The following RASAL2 variants were observed in gnomAD, a reference collection of about 807,000 sequenced individuals.
RASAL2 encodes the protein RAS protein activator like 2.
Under a neutral mutation model 128.9 loss-of-function variants are expected in RASAL2, and 58 were observed. That is an observed-to-expected ratio of 0.45 (90% CI 0.36 to 0.56). The LOEUF (loss-of-function observed/expected upper bound fraction) is 0.56, where lower values mean the gene tolerates loss of function less well. RASAL2 is among the 20% of genes least tolerant of loss of function. RASAL2 has a pLI of 0.00. For synonymous variants in RASAL2, 561 were observed against 580.8 expected (o/e 0.97, Z 0.49); for missense variants, 1,360 against 1,601.6 (o/e 0.85, Z 2.57).
intron 3 of RASAL2, among the ~76,000 whole-genome samples, chr1:178,384,687 CACACAAA>C (rs1418888345): frequency 1.3e-5 from 2 of 149,346 alleles, no homozygotes; most frequent in African/African-American, 4.9e-5. Flanking sequence ...CACACACACA[CACACAAA>C]AAAAAAACTC....
chr1:178,452,724 G>T, intron 11 of RASAL2, 72 bp downstream of exon 11: 1 of 1,280,302 alleles, frequency 7.8e-7, no homozygotes, highest in Non-Finnish European at 1.1e-6. Flanking sequence ...TTTGGATGAG[G>T]GTTGGGAGCC....
chr1:178,440,295 G>A (rs1285350541), intron 6 of RASAL2, among the ~76,000 whole-genome samples: 1 of 151,894 alleles, frequency 6.6e-6, no homozygotes, highest in Non-Finnish European at 1.5e-5. Context: ...ACTAGATGTT[G>A]TAGAAGTCAA....
intron 2 of RASAL2, among the ~76,000 whole-genome samples, chr1:178,299,621 C>T (rs2102268081): frequency 6.6e-6 from 1 of 152,106 alleles, no homozygotes; most frequent in South Asian, 2.1e-4. Context: ...TCTCAGTCTC[C>T]CAAGTAGCTG....
At chr1:178,130,907 A>C (rs541717210) in intron 1 of RASAL2, among the ~76,000 whole-genome samples, 6 of 152,136 alleles carry the variant, frequency 3.9e-5, no homozygotes, top group African/African-American at 1.4e-4. Context: ...ACAAAAAATT[A>C]GCCGGGCGCG....
At chr1:178,347,022 A>C (rs1338564556) in intron 3 of RASAL2, among the ~76,000 whole-genome samples, 2 of 152,080 alleles carry the variant, frequency 1.3e-5, no homozygotes, top group Non-Finnish European at 2.9e-5. Flanking sequence ...TTTTTAATGG[A>C]AGGGTATTTA....
chr1:178,411,055 G>T (rs1437173648), intron 4 of RASAL2, among the ~76,000 whole-genome samples: 4 of 152,026 alleles, frequency 2.6e-5, no homozygotes, highest in African/African-American at 9.7e-5. Flanking sequence ...ATATGAAAAA[G>T]ACACTTGCAC....
chr1:178,400,637 A>T (rs953950765), intron 4 of RASAL2, among the ~76,000 whole-genome samples: 2 of 152,194 alleles, frequency 1.3e-5, no homozygotes, highest in African/African-American at 4.8e-5. Flanking sequence ...TTGCTCTTTA[A>T]AAGTTTTATG....
At chr1:178,369,575 G>A (rs1671591372) in intron 3 of RASAL2, among the ~76,000 whole-genome samples, 1 of 151,866 alleles carries the variant, frequency 6.6e-6, no homozygotes, top group South Asian at 2.1e-4. Context: ...TCATAGGGCT[G>A]GATTATTTTG....
chr1:178,296,363 T>G (rs1023653702), intron 2 of RASAL2, among the ~76,000 whole-genome samples: 1 of 151,938 alleles, frequency 6.6e-6, no homozygotes, highest in African/African-American at 2.4e-5. Flanking sequence ...CTCGGTTTTG[T>G]TTGTTTGTTT....
chr1:178,355,877 C>A (rs527422643), intron 3 of RASAL2, among the ~76,000 whole-genome samples: 2 of 152,268 alleles, frequency 1.3e-5, no homozygotes, highest in African/African-American at 4.8e-5. Context: ...CAAGTTAAAA[C>A]CACAACAATG....
chr1:178,258,066 G>A (rs539229692), intron 1 of RASAL2, among the ~76,000 whole-genome samples: 10 of 152,008 alleles, frequency 6.6e-5, no homozygotes, highest in East Asian at 3.9e-4. Context: ...AGGTCAAGGC[G>A]GGCGGATCAT....
At chr1:178,233,629 T>G (rs1664103652) in intron 1 of RASAL2, among the ~76,000 whole-genome samples, 1 of 152,114 alleles carries the variant, frequency 6.6e-6, no homozygotes, top group Non-Finnish European at 1.5e-5. Flanking sequence ...GCTGATGAGG[T>G]CCTTGGAACA....
In RASAL2 at chr1:178,372,618, T is replaced by C. The variant is rs149530490; in HGVS notation, c.458-17482T>C. ...CTGTTCATGGTATTTAGACAACTTCTGCCAACCAAAATAATATTATTGTTT... is the reference window on the plus strand; with the variant it reads ...CTGTTCATGGTATTTAGACAACTTCCGCCAACCAAAATAATATTATTGTTT... On this transcript the variant is annotated intron_variant, in intron 3 of 17. Coordinates refer to ENST00000367649, the MANE Select transcript of RASAL2 (RefSeq NM_170692.4). Among the ~76,000 whole-genome samples the C allele has an allele frequency of 8.0e-3, 1,212 of 152,296 alleles. 14 individuals carry two copies. The highest frequency in any genetic ancestry group is 0.044 in the Middle Eastern group (13 of 294).
At chr1:178,275,686 G>T (rs1360681125) in intron 1 of RASAL2, among the ~76,000 whole-genome samples, 1 of 152,218 alleles carries the variant, frequency 6.6e-6, no homozygotes, top group Non-Finnish European at 1.5e-5. Context: ...GAACATTCAT[G>T]CTGAACTGTG....
At chr1:178,412,388 C>T (rs573754724) in intron 4 of RASAL2, among the ~76,000 whole-genome samples, 1 of 152,260 alleles carries the variant, frequency 6.6e-6, no homozygotes, top group East Asian at 1.9e-4. Flanking sequence ...GTCCAGCTAC[C>T]TCTTCCTGGG....
At chr1:178,426,996 G>T (rs1161060460) in intron 5 of RASAL2, among the ~76,000 whole-genome samples, 1 of 152,110 alleles carries the variant, frequency 6.6e-6, no homozygotes, top group African/African-American at 2.4e-5. Flanking sequence ...GGGCTCCAAG[G>T]CGGATAGTAG....
chr1:178,205,512 T>G (rs1321572378), intron 1 of RASAL2, among the ~76,000 whole-genome samples: 1 of 151,954 alleles, frequency 6.6e-6, no homozygotes, highest in Non-Finnish European at 1.5e-5. Context: ...ATCCCAGCAC[T>G]TTGGGAGGCT....
chr1:178,317,239 T>G (rs1668530805), intron 3 of RASAL2, among the ~76,000 whole-genome samples: 1 of 135,850 alleles, frequency 7.4e-6, no homozygotes, highest in Admixed American at 7.1e-5. Flanking sequence ...TCAAGGATAT[T>G]GGTCTAAAAT....
chr1:178,245,819 T>C (rs1664743704), intron 1 of RASAL2, among the ~76,000 whole-genome samples: 1 of 152,226 alleles, frequency 6.6e-6, no homozygotes, highest in Non-Finnish European at 1.5e-5. Flanking sequence ...ATTTGTAAAA[T>C]ACGGAATCCT....
Sources: allele counts gnomAD v4.1 joint callset (sites outside exome capture counted in the v4.1 genomes callset), GRCh38; gene constraint gnomAD v4.1.1; transcripts MANE v1.5; gene names NCBI Gene and HGNC (gene_info 2026-07-23, HGNC 2026-07-21).